The following SULF1 variants were observed in gnomAD, a reference collection of about 807,000 sequenced individuals.
The protein encoded by SULF1 is extracellular sulfatase Sulf-1.
Under a neutral mutation model 110.5 loss-of-function variants are expected in SULF1, and 46 were observed. The ratio of observed to expected loss-of-function variants is 0.42; its 90% confidence interval spans 0.33 to 0.53. The LOEUF is 0.53. Among genes scored for constraint, SULF1 ranks in the 20% least tolerant of loss-of-function variants. The pLI is 0.12. For synonymous variants in SULF1, 371 were observed against 387.1 expected (o/e 0.96, Z 0.49); for missense variants, 941 against 1,094.2 (o/e 0.86, Z 1.98).
intron 18 of SULF1, 28 bp from the exon 19 acceptor site, chr8:69,629,476 C>T (rs756836942): frequency 1.3e-6 from 2 of 1,588,362 alleles, no homozygotes; most frequent in Non-Finnish European, 1.7e-6. Context: ...CTTCTGAACA[C>T]TCAAAATAAT....
chr8:69,501,085 TG>T (rs1199140587), intron 2 of SULF1, among the ~76,000 whole-genome samples: 10 of 152,162 alleles, frequency 6.6e-5, no homozygotes, highest in African/African-American at 2.4e-4. Context: ...TAGTCACCAG[TG>T]GAAAAGTATG....
At chr8:69,581,427 A>G (rs889646969) in intron 6 of SULF1, among the ~76,000 whole-genome samples, 3 of 152,190 alleles carry the variant, frequency 2.0e-5, no homozygotes, top group African/African-American at 7.2e-5. Context: ...CAGAAGTAGC[A>G]TGGCCTGAAG....
chr8:69,558,246 G>C (rs1208189181), intron 3 of SULF1, among the ~76,000 whole-genome samples: 1 of 152,158 alleles, frequency 6.6e-6, no homozygotes, highest in Non-Finnish European at 1.5e-5. Flanking sequence ...TGAGATGTGG[G>C]TACCAGCTTC....
chr8:69,609,070 C>T (rs1586540475), intron 13 of SULF1, among the ~76,000 whole-genome samples: 1 of 152,040 alleles, frequency 6.6e-6, no homozygotes, highest in Non-Finnish European at 1.5e-5. Flanking sequence ...AGCACGGCAG[C>T]TTATGGCTTA....
intron 3 of SULF1, among the ~76,000 whole-genome samples, chr8:69,549,610 A>G (rs1022466713): frequency 1.1e-4 from 17 of 152,142 alleles, no homozygotes; most frequent in Non-Finnish European, 2.4e-4. Flanking sequence ...TGGAATTTTC[A>G]TGGACTGGGG....
At chr8:69,640,073 A>T (rs971309793) in intron 21 of SULF1, among the ~76,000 whole-genome samples, 2 of 151,118 alleles carry the variant, frequency 1.3e-5, no homozygotes, top group African/African-American at 4.9e-5. Context: ...TTACAAAAAA[A>T]AGAGAGAGAG....
At chr8:69,517,040 G>A (rs1172288609) in intron 3 of SULF1, among the ~76,000 whole-genome samples, 1 of 152,074 alleles carries the variant, frequency 6.6e-6, no homozygotes, top group Non-Finnish European at 1.5e-5. Context: ...CATAGATTAA[G>A]TAATTTATAA....
chr8:69,629,402 T>G (rs1810347848), intron 18 of SULF1, 102 bp from the exon 19 acceptor site: 1 of 1,228,648 alleles, frequency 8.1e-7, no homozygotes, highest in Admixed American at 2.5e-5. Context: ...TTATCTCTTA[T>G]CAAGGCATCT....
chr8:69,468,000 C>A (rs897390942), intron 1 of SULF1, among the ~76,000 whole-genome samples: 1 of 151,716 alleles, frequency 6.6e-6, no homozygotes, highest in African/African-American at 2.4e-5. Context: ...AAAAAAAAGG[C>A]CTTTCAATTC....
chr8:69,595,439 ATTATCCTGCATATGTTCAAATGTTAC>A (rs1198867591), intron 8 of SULF1, among the ~76,000 whole-genome samples: 1 of 152,242 alleles, frequency 6.6e-6, no homozygotes, highest in African/African-American at 2.4e-5. Flanking sequence ...ATCATTTGGT[ATTATCCTGCATATGTTCAAATGTTAC>A]CTATCTACAG....
At chr8:69,619,850 T>C (rs1809467576) in intron 13 of SULF1, among the ~76,000 whole-genome samples, 1 of 152,158 alleles carries the variant, frequency 6.6e-6, no homozygotes, top group Non-Finnish European at 1.5e-5. Context: ...CGGTAGTATC[T>C]AGGGGCGGGT....
chr8:69,545,888 T>C (rs958338211), intron 3 of SULF1, among the ~76,000 whole-genome samples: 2 of 152,162 alleles, frequency 1.3e-5, no homozygotes, highest in Non-Finnish European at 2.9e-5. Context: ...AGAGACAGGG[T>C]TTCATCATGT....
chr8:69,547,763 C>G (rs985281660), intron 3 of SULF1, among the ~76,000 whole-genome samples: 3 of 152,170 alleles, frequency 2.0e-5, no homozygotes, highest in East Asian at 1.9e-4. Context: ...AGGCAGGACT[C>G]TTTTCTCATT....
intron 10 of SULF1, among the ~76,000 whole-genome samples, chr8:69,602,054 T>C (rs562941782): frequency 6.6e-6 from 1 of 152,292 alleles, no homozygotes; most frequent in East Asian, 1.9e-4. Context: ...CAATGACTAA[T>C]TCTCTCAAAT....
At chr8:69,635,427 T>C (rs1163172510) in intron 19 of SULF1, among the ~76,000 whole-genome samples, 1 of 152,250 alleles carries the variant, frequency 6.6e-6, no homozygotes, top group African/African-American at 2.4e-5. Context: ...GAATGCTCTG[T>C]ACTTTTCCCT....
rs111650257 is a variant in SULF1, at chr8:69,600,538, C to T, written c.735-65C>T. 3,991 of 1,455,460 alleles carry T rather than the reference C, an allele frequency of 2.7e-3. 90 individuals carry two copies. The African/African-American group carries it at 0.05, about 18-fold the overall frequency. The allele number at this position is 1,455,460 out of a possible 1,614,324, so 90.2% of individuals were successfully genotyped here. ...CTCCTTAATGATTATTTCACAACCT[C>T]GAGATATTTTCCTAAAAGACTAAGT... is the stretch of plus-strand genomic sequence containing the variant. On this transcript the variant is annotated intron_variant, in intron 8 of 22. Coordinates refer to ENST00000402687, the MANE Select transcript of SULF1 (RefSeq NM_001128205.2).
At chr8:69,587,124 T>G (rs1437494959) in intron 7 of SULF1, among the ~76,000 whole-genome samples, 1 of 152,190 alleles carries the variant, frequency 6.6e-6, no homozygotes, top group Admixed American at 6.5e-5. Context: ...ACCAGTGGGT[T>G]CTAGTTTTGA....
At chr8:69,547,648 G>T (rs1462813374) in intron 3 of SULF1, among the ~76,000 whole-genome samples, 8 of 152,078 alleles carry the variant, frequency 5.3e-5, no homozygotes, top group Non-Finnish European at 7.4e-5. Flanking sequence ...GGAAGCCCTG[G>T]GGCCTTTCAA....
At chr8:69,536,815 G>A (rs1380734256) in intron 3 of SULF1, among the ~76,000 whole-genome samples, 1 of 152,202 alleles carries the variant, frequency 6.6e-6, no homozygotes, top group Non-Finnish European at 1.5e-5. Context: ...AAGACATGGA[G>A]TGGTAACTGC....
Sources: gnomAD v4.1 joint callset for allele counts (sites outside exome capture counted in the v4.1 genomes callset) on GRCh38, gnomAD v4.1.1 for gene constraint, MANE v1.5 for transcripts, NCBI Gene and HGNC (gene_info 2026-07-23, HGNC 2026-07-21) for gene names.